Variants in DZANK1 observed in about 807,000 individuals in gnomAD.
The protein encoded by DZANK1 is double zinc ribbon and ankyrin repeat-containing protein 1.
Under a neutral mutation model 94.5 loss-of-function variants are expected in DZANK1, and 91 were observed. The ratio of observed to expected loss-of-function variants is 0.96; its 90% CI spans 0.81 to 1.15. The LOEUF (loss-of-function observed/expected upper bound fraction) is 1.15, where lower values mean the gene tolerates loss of function less well. DZANK1 is among the 50% of genes most tolerant of loss of function. The probability of loss-of-function intolerance (pLI) is 0.00; values close to 1 mark genes in which losing one functional copy is unlikely to be tolerated. For synonymous variants in DZANK1, 312 were observed against 325.3 expected (o/e 0.96, Z 0.44); for missense variants, 903 against 916.4 (o/e 0.99, Z 0.19).
chr20:18,455,050 T>TCA, intron 4 of DZANK1, among the ~76,000 whole-genome samples, 197 bp downstream of exon 4: 1 of 152,326 alleles, frequency 6.6e-6, no homozygotes, highest in East Asian at 1.9e-4. Flanking sequence ...GCAGGAACTC[T>TCA]CATCTTCAGG....
Position 18,457,784 on chromosome 20 carries a change from C to CT in DZANK1, c.263+2368dup, listed in dbSNP as rs879752373. On this transcript the variant is annotated intron_variant, in intron 3 of 20. Coordinates refer to ENST00000262547, the Ensembl canonical transcript of DZANK1. ...ACTGGCCACAGCCTGGTACACATCT[C>CT]TAACTAGCTGCAACGGGGATTGGGA... 1.2e-4 allele frequency among the ~76,000 whole-genome samples: 18 copies of CT among 152,308 alleles called. 1 individual carries two copies. Among genetic ancestry groups the CT allele is most frequent in the Admixed American group, 1.2e-3 (18 of 15,300 alleles).
intron 13 of DZANK1, among the ~76,000 whole-genome samples, chr20:18,400,326 G>A (rs569308304): frequency 6.6e-6 from 1 of 152,280 alleles, no homozygotes; most frequent in South Asian, 2.1e-4. Flanking sequence ...CGATCTTGCT[G>A]GGGATATGAG....
At chr20:18,452,215 T>C (rs1237573960) in intron 6 of DZANK1, among the ~76,000 whole-genome samples, 1 of 152,148 alleles carries the variant, frequency 6.6e-6, no homozygotes, top group Admixed American at 6.5e-5. Context: ...CTCTAGATAC[T>C]CTGGCCCCAG....
chr20:18,402,023 T>G (rs929520532), intron 13 of DZANK1, among the ~76,000 whole-genome samples: 2 of 152,200 alleles, frequency 1.3e-5, no homozygotes, highest in Non-Finnish European at 2.9e-5. Flanking sequence ...TCAGTCAGAC[T>G]GTGGGCTGGG....
intron 7 of DZANK1, among the ~76,000 whole-genome samples, chr20:18,445,264 G>A (rs1174433085): frequency 6.6e-6 from 1 of 152,084 alleles, no homozygotes; most frequent in Non-Finnish European, 1.5e-5. Context: ...AATGATAAAA[G>A]GGTCAACTTA....
chr20:18,394,156 G>A, intron 16 of DZANK1, 98 bp downstream of exon 16: 1 of 1,019,988 alleles, frequency 9.8e-7, no homozygotes, highest in South Asian at 1.4e-5. Flanking sequence ...CAAGATCTGT[G>A]ACCGGGCTGT....
At chr20:18,454,498 T>C (rs1337161210) in intron 4 of DZANK1, 1 of 164,222 alleles carries the variant, frequency 6.1e-6, no homozygotes, top group Non-Finnish European at 1.3e-5. Context: ...TACTGTAGGC[T>C]AGCCCATCCT....
At chr20:18,431,390 G>C (rs2058278996) in intron 9 of DZANK1, among the ~76,000 whole-genome samples, 3 of 152,160 alleles carry the variant, frequency 2.0e-5, no homozygotes, top group African/African-American at 7.2e-5. Context: ...AACGCAGAAA[G>C]GGGACGGGAG....
intron 13 of DZANK1, among the ~76,000 whole-genome samples, chr20:18,410,382 G>A (rs963795318): frequency 6.6e-6 from 1 of 151,982 alleles, no homozygotes; most frequent in Non-Finnish European, 1.5e-5. Context: ...AGATGTATGA[G>A]GAAAACCCTA....
At chr20:18,445,361 C>T (rs186399806) in intron 7 of DZANK1, among the ~76,000 whole-genome samples, 3 of 152,192 alleles carry the variant, frequency 2.0e-5, no homozygotes, top group African/African-American at 7.2e-5. Context: ...AAATGAAATG[C>T]AAGAATAAAT....
At chr20:18,387,674 G>A (rs1353474015) in intron 19 of DZANK1, among the ~76,000 whole-genome samples, 4 of 152,236 alleles carry the variant, frequency 2.6e-5, no homozygotes, top group Admixed American at 6.5e-5. Context: ...CTAGTAAGAG[G>A]AATGAGCTTT....
At chr20:18,404,028 G>A (rs1341109971) in intron 13 of DZANK1, among the ~76,000 whole-genome samples, 2 of 151,958 alleles carry the variant, frequency 1.3e-5, no homozygotes, top group Non-Finnish European at 2.9e-5. Context: ...TCAAACTCCT[G>A]AGACGGCCCA....
At chr20:18,392,205 T>G (rs905512236) in intron 17 of DZANK1, among the ~76,000 whole-genome samples, 1 of 152,228 alleles carries the variant, frequency 6.6e-6, no homozygotes, top group African/African-American at 2.4e-5. Flanking sequence ...TTGTAAGCTG[T>G]TCAGTTTATG....
chr20:18,450,572 T>C (rs1329621234), intron 6 of DZANK1, among the ~76,000 whole-genome samples: 1 of 152,254 alleles, frequency 6.6e-6, no homozygotes. Flanking sequence ...TGTAGTTTTC[T>C]GCCTTCTCAT....
At chr20:18,402,438 A>G (rs755465877) in intron 13 of DZANK1, among the ~76,000 whole-genome samples, 2 of 152,110 alleles carry the variant, frequency 1.3e-5, no homozygotes, top group African/African-American at 2.4e-5. Flanking sequence ...GGAACACTCA[A>G]TGGATAAGGG....
intron 13 of DZANK1, among the ~76,000 whole-genome samples, chr20:18,406,799 G>T (rs8117001): frequency 7.2e-5 from 11 of 151,972 alleles, no homozygotes; most frequent in Non-Finnish European, 1.6e-4. Flanking sequence ...ATCTGCTCTG[G>T]GCCAGAGGGG....
chr20:18,412,742 G>A (rs756046356), exon 13 of DZANK1: 5 of 1,613,590 alleles, frequency 3.1e-6, no homozygotes, highest in Non-Finnish European at 3.4e-6. Flanking sequence ...TTTTTTGCTA[G>A]CAGCTTGCCA....
At chr20:18,385,066 T>G (rs1302844365) in exon 20 of DZANK1, 1 of 1,553,358 alleles carries the variant, frequency 6.4e-7, no homozygotes, top group Non-Finnish European at 8.7e-7. Context: ...GCAGAGTTGC[T>G]TCATGAAGAG....
chr20:18,447,484 G>T (rs1264551561), intron 7 of DZANK1, among the ~76,000 whole-genome samples: 2 of 140,102 alleles, frequency 1.4e-5, no homozygotes, highest in Non-Finnish European at 3.2e-5. Flanking sequence ...CCACCACCAC[G>T]CACAGCTAAT....
Sources: gnomAD v4.1 joint callset for allele counts (sites outside exome capture counted in the v4.1 genomes callset) on GRCh38, gnomAD v4.1.1 for gene constraint, MANE v1.5 for transcripts, NCBI Gene and HGNC (gene_info 2026-07-23, HGNC 2026-07-21) for gene names.